SLC8A1: variants seen among roughly 807,000 people sequenced by gnomAD.
The protein encoded by SLC8A1 is sodium/calcium exchanger 1.
A neutral mutation model predicts 68.3 loss-of-function variants in SLC8A1; 18 were observed. The ratio of observed to expected loss-of-function variants is 0.26; its 90% CI spans 0.18 to 0.39. The LOEUF (loss-of-function observed/expected upper bound fraction) is 0.39. SLC8A1 is among the 10% of genes least tolerant of loss of function. The pLI, the probability that SLC8A1 is intolerant of heterozygous loss-of-function variation, is 1.00. For missense variants in SLC8A1, 985 were observed against 1,156.7 expected (o/e 0.85, Z 2.15); for synonymous variants, 475 against 415.5 (o/e 1.14, Z -1.74).
chr2:40,366,934 A>G (rs561224388), intron 2 of SLC8A1, among the ~76,000 whole-genome samples: 1 of 152,206 alleles, frequency 6.6e-6, no homozygotes, highest in Admixed American at 6.5e-5. Context: ...ACAGGATTTC[A>G]TCTTTAGTTT....
intron 2 of SLC8A1, among the ~76,000 whole-genome samples, chr2:40,194,194 T>A (rs1175602625): frequency 6.6e-6 from 1 of 152,088 alleles, no homozygotes; most frequent in East Asian, 1.9e-4. Context: ...CAACCGTGAG[T>A]AGGTTTGGCA....
intron 2 of SLC8A1, among the ~76,000 whole-genome samples, chr2:40,313,632 G>A (rs1383872795): frequency 6.6e-6 from 1 of 151,748 alleles, no homozygotes; most frequent in Non-Finnish European, 1.5e-5. Context: ...TGAACTGCTG[G>A]GTTCAAGCGA....
At chr2:40,415,682 T>G (rs1693591425) in intron 2 of SLC8A1, among the ~76,000 whole-genome samples, 1 of 152,080 alleles carries the variant, frequency 6.6e-6, no homozygotes, top group Non-Finnish European at 1.5e-5. Context: ...TTATTCCACT[T>G]GTCTCCAAAG....
chr2:40,442,964 C>T (rs561948911), intron 1 of SLC8A1, among the ~76,000 whole-genome samples: 18 of 151,980 alleles, frequency 1.2e-4, no homozygotes, highest in Non-Finnish European at 1.8e-4. Context: ...GGGACATGGA[C>T]GAAGCTGGAA....
chr2:40,115,646 G>A lies in SLC8A1; in HGVS notation c.2438-17C>T. 6.3e-7 allele frequency: 1 copy of A among 1,594,740 alleles called. No homozygotes were observed. The highest frequency in any genetic ancestry group is 1.7e-5 in the Admixed American group (1 of 59,678). ...CAAATGTGTCTGCAGAGGAAGAAGA[G>A]AAAGTCAATGACACTCAATCTTTTA... On this transcript the variant is annotated splice_polypyrimidine_tract_variant and intron_variant, in intron 7 of 7. Coordinates refer to ENST00000406785, the Ensembl canonical transcript of SLC8A1.
intron 2 of SLC8A1, among the ~76,000 whole-genome samples, chr2:40,380,440 G>C (rs1681374367): frequency 6.6e-6 from 1 of 152,010 alleles, no homozygotes; most frequent in Admixed American, 6.6e-5. Context: ...GTCTTCACAA[G>C]GAACTTTCAC....
chr2:40,302,074 T>TGTG (rs1491553759), intron 2 of SLC8A1, among the ~76,000 whole-genome samples: 3 of 147,900 alleles, frequency 2.0e-5, no homozygotes, highest in South Asian at 2.2e-4. Flanking sequence ...TGTGTGTGTG[T>TGTG]TTAGTAGAGA....
At chr2:40,405,187 T>C (rs1001789408) in intron 2 of SLC8A1, among the ~76,000 whole-genome samples, 1 of 152,190 alleles carries the variant, frequency 6.6e-6, no homozygotes, top group Non-Finnish European at 1.5e-5. Flanking sequence ...CCCCAATTAC[T>C]GGACAGAGTG....
chr2:40,194,429 G>A (rs2052524801), intron 2 of SLC8A1, among the ~76,000 whole-genome samples: 1 of 151,414 alleles, frequency 6.6e-6, no homozygotes, highest in African/African-American at 2.4e-5. Context: ...ATAACACTGA[G>A]CGATCACTAA....
intron 2 of SLC8A1, among the ~76,000 whole-genome samples, chr2:40,327,094 AAATTATAT>A (rs1428416179): frequency 6.6e-6 from 1 of 152,242 alleles, no homozygotes; most frequent in Non-Finnish European, 1.5e-5. Flanking sequence ...CTACTGTCTT[AAATTATAT>A]AATTTTAATT....
chr2:40,292,251 G>C (rs1221828391), intron 2 of SLC8A1, among the ~76,000 whole-genome samples: 2 of 152,088 alleles, frequency 1.3e-5, no homozygotes, highest in African/African-American at 4.8e-5. Flanking sequence ...TTGTACCCCT[G>C]ATGCTAATGT....
chr2:40,307,567 A>C (rs938563638), intron 2 of SLC8A1, among the ~76,000 whole-genome samples: 1 of 152,236 alleles, frequency 6.6e-6, no homozygotes, highest in African/African-American at 2.4e-5. Flanking sequence ...AGATATAAAT[A>C]ATTCAGCGAA....
At chr2:40,148,607 C>G (rs1460906156) in intron 6 of SLC8A1, among the ~76,000 whole-genome samples, 1 of 152,160 alleles carries the variant, frequency 6.6e-6, no homozygotes, top group East Asian at 1.9e-4. Flanking sequence ...TTAACGAGAT[C>G]TCAGTAAACA....
chr2:40,357,497 TAAAAAAAA>T (rs71406059), intron 2 of SLC8A1, among the ~76,000 whole-genome samples: 4 of 115,520 alleles, frequency 3.5e-5, no homozygotes, highest in Non-Finnish European at 6.8e-5. Flanking sequence ...ACCCTGTCTT[TAAAAAAAA>T]AAAAAAAAAA....
At chr2:40,283,908 A>AC (rs1024087083) in intron 2 of SLC8A1, among the ~76,000 whole-genome samples, 5 of 151,852 alleles carry the variant, frequency 3.3e-5, no homozygotes, top group African/African-American at 9.7e-5. Context: ...CATATCTACT[A>AC]CCCCCCACCT....
intron 2 of SLC8A1, among the ~76,000 whole-genome samples, chr2:40,385,105 T>C (rs749225322): frequency 6.6e-6 from 1 of 152,138 alleles, no homozygotes; most frequent in Non-Finnish European, 1.5e-5. Context: ...ACTCTTATAG[T>C]ACTTTTGATC....
intron 5 of SLC8A1, among the ~76,000 whole-genome samples, chr2:40,161,809 C>G (rs186166664): frequency 1.2e-3 from 186 of 152,278 alleles, no homozygotes; most frequent in Non-Finnish European, 2.0e-3. Context: ...CACTTACTGT[C>G]AGAGCATCCT....
At chr2:40,384,929 T>C (rs1471046690) in intron 2 of SLC8A1, among the ~76,000 whole-genome samples, 1 of 152,054 alleles carries the variant, frequency 6.6e-6, no homozygotes, top group Non-Finnish European at 1.5e-5. Flanking sequence ...TCACAAGGAT[T>C]GCATAATCAA....
At chr2:40,425,383 T>C (rs1302560412) in intron 2 of SLC8A1, among the ~76,000 whole-genome samples, 1 of 151,878 alleles carries the variant, frequency 6.6e-6, no homozygotes, top group Non-Finnish European at 1.5e-5. Context: ...GTTTTTGGAA[T>C]CCAACAATCA....
Sources: gnomAD v4.1 joint callset for allele counts (sites outside exome capture counted in the v4.1 genomes callset) on GRCh38, gnomAD v4.1.1 for gene constraint, MANE v1.5 for transcripts, NCBI Gene and HGNC (gene_info 2026-07-23, HGNC 2026-07-21) for gene names.